Variants in DGKG observed in about 807,000 individuals in gnomAD.
DGKG encodes DAG kinase gamma.
In DGKG, 78 loss-of-function variants were observed where a neutral mutation model predicts 105.3. The ratio of observed to expected loss-of-function variants is 0.74; its 90% CI spans 0.62 to 0.89. The LOEUF is 0.89. DGKG is among the 40% of genes least tolerant of loss of function. The pLI, the probability that DGKG is intolerant of heterozygous loss-of-function variation, is 0.00. For synonymous variants in DGKG, 346 were observed against 367.1 expected, an observed-to-expected ratio of 0.94 and a Z score of 0.66; for missense variants, 958 against 1,020.1, an observed-to-expected ratio of 0.94 and a Z score of 0.83.
intron 21 of DGKG, among the ~76,000 whole-genome samples, chr3:186,191,044 C>T (rs1717882236): frequency 6.6e-6 from 1 of 152,122 alleles, no homozygotes; most frequent in Non-Finnish European, 1.5e-5. Flanking sequence ...CATGCCTCAT[C>T]TTTCATAAAT....
intron 19 of DGKG, among the ~76,000 whole-genome samples, chr3:186,248,780 A>G (rs1434704701): frequency 6.6e-6 from 1 of 152,130 alleles, no homozygotes; most frequent in Non-Finnish European, 1.5e-5. Flanking sequence ...CTAGAGTTCA[A>G]ATATTATGAT....
intron 21 of DGKG, among the ~76,000 whole-genome samples, chr3:186,208,426 CAA>C (rs10693104): frequency 5.2e-5 from 5 of 95,262 alleles, no homozygotes; most frequent in East Asian, 3.6e-4. Context: ...ACCAGATTGG[CAA>C]AAAAAAAAAA....
intron 7 of DGKG, among the ~76,000 whole-genome samples, chr3:186,282,206 T>C (rs886817733): frequency 6.6e-5 from 10 of 151,948 alleles, no homozygotes; most frequent in Non-Finnish European, 1.0e-4. Flanking sequence ...CCCTGTTGGA[T>C]TGGGGGAGAA....
Position 186,355,155 on chromosome 3 carries a change from TCACCACCATCACCCCCACAACTATCAC to T in DGKG, c.-249+6764_-249+6790del, listed in dbSNP as rs368049876. Among the ~76,000 whole-genome samples the T allele has an allele frequency of 7.8e-3, 256 of 32,660 alleles. 2 individuals are homozygous for T. The highest frequency in any genetic ancestry group is 0.024 in the African/African-American group (242 of 10,036). The allele number at this position is 32,660 out of a possible 152,430, so 21.4% of individuals were successfully genotyped here. A position where few individuals can be genotyped will look rare whatever the true frequency, so the allele number is the denominator to read the frequency against. ...CTGCCCCCAACCACCATTATCATTA[TCACCACCATCACCCCCACAACTATCAC>T]CACCACCATCAATACCACCACCAAC... On this transcript the variant is annotated intron_variant, in intron 1 of 24. Transcript: ENST00000265022.
chr3:186,179,137 T>C (rs553369716), intron 22 of DGKG, among the ~76,000 whole-genome samples: 2 of 152,348 alleles, frequency 1.3e-5, no homozygotes, highest in East Asian at 3.9e-4. Flanking sequence ...TCCTGGTTCA[T>C]GGACCACACG....
At chr3:186,287,035 A>AAAACAAAT (rs1553813490) in intron 6 of DGKG, among the ~76,000 whole-genome samples, 1 of 142,476 alleles carries the variant, frequency 7.0e-6, no homozygotes, top group African/African-American at 2.6e-5. Context: ...ACTCCATCTC[A>AAAACAAAT]AAATAAATAA....
chr3:186,215,988 A>AC (rs1719270245), intron 20 of DGKG, among the ~76,000 whole-genome samples: 1 of 150,404 alleles, frequency 6.6e-6, no homozygotes, highest in Non-Finnish European at 1.5e-5. Context: ...CCCCTGCCCC[A>AC]CCCCCCAAAC....
intron 24 of DGKG, chr3:186,158,571 G>A (rs909655360): frequency 3.8e-5 from 36 of 939,576 alleles, no homozygotes; most frequent in Non-Finnish European, 4.6e-5. Context: ...TTTTTGCCTT[G>A]TAAACTAGTT....
chr3:186,174,974 G>A (rs1263579967), intron 22 of DGKG, among the ~76,000 whole-genome samples: 1 of 152,210 alleles, frequency 6.6e-6, no homozygotes, highest in Non-Finnish European at 1.5e-5. Context: ...GGAAGGAGAA[G>A]CAGGGAGAAC....
intron 6 of DGKG, among the ~76,000 whole-genome samples, chr3:186,285,921 C>T (rs187558141): frequency 3.9e-4 from 59 of 152,248 alleles, no homozygotes; most frequent in African/African-American, 1.4e-3. Context: ...TCAGATGATC[C>T]GCCTGCCTCG....
At chr3:186,174,652 CTGTGTGTGTGTGTGTGTG>C (rs67342971) in intron 22 of DGKG, among the ~76,000 whole-genome samples, 4,501 of 145,886 alleles carry the variant, frequency 0.031, 174 homozygotes, top group African/African-American at 0.089. Context: ...TTCCCTGCGG[CTGTGTGTGTGTGTGTGTG>C]TGTGTGTGTG....
At chr3:186,257,690 T>G in intron 17 of DGKG, 164 bp downstream of exon 17, 1 of 577,800 alleles carries the variant, frequency 1.7e-6, no homozygotes, top group Non-Finnish European at 3.1e-6. Context: ...TCTTTTTTTT[T>G]TTTTTTTCCA....
chr3:186,156,866 G>T (rs894163806), intron 24 of DGKG, among the ~76,000 whole-genome samples: 7 of 151,802 alleles, frequency 4.6e-5, no homozygotes, highest in African/African-American at 1.7e-4. Context: ...GGGTTTTATT[G>T]AAGTAATTTA....
chr3:186,312,320 C>T (rs1724594337), intron 2 of DGKG, among the ~76,000 whole-genome samples: 1 of 152,062 alleles, frequency 6.6e-6, no homozygotes, highest in Non-Finnish European at 1.5e-5. Context: ...GCTTCTCAAA[C>T]TGTAATGTGC....
intron 22 of DGKG, among the ~76,000 whole-genome samples, chr3:186,179,246 C>T (rs1033272399): frequency 5.3e-5 from 8 of 152,308 alleles, no homozygotes; most frequent in South Asian, 2.1e-4. Flanking sequence ...CAGCCGTGCC[C>T]GTTCATTTAA....
chr3:186,343,217 CT>C (rs1726169308), intron 1 of DGKG, among the ~76,000 whole-genome samples: 1 of 152,160 alleles, frequency 6.6e-6, no homozygotes, highest in Non-Finnish European at 1.5e-5. Context: ...TTTCGTTGAT[CT>C]TTGAAGAATT....
chr3:186,305,930 C>T (rs1724215549), intron 3 of DGKG, among the ~76,000 whole-genome samples: 1 of 152,064 alleles, frequency 6.6e-6, no homozygotes, highest in South Asian at 2.1e-4. Flanking sequence ...ATCAGTTTAG[C>T]TCATGTTAAG....
At chr3:186,190,357 AACT>A (rs1345004048) in intron 21 of DGKG, among the ~76,000 whole-genome samples, 8 of 152,274 alleles carry the variant, frequency 5.3e-5, no homozygotes, top group African/African-American at 1.9e-4. Flanking sequence ...CAACATTGAA[AACT>A]ACATCAACGA....
At chr3:186,353,656 G>GTCTATATCTATCTATA (rs1726756661) in intron 1 of DGKG, among the ~76,000 whole-genome samples, 1 of 116,134 alleles carries the variant, frequency 8.6e-6, no homozygotes. Context: ...CTATGTCTAT[G>GTCTATATCTATCTATA]TCTATATCTA....
Sources: gnomAD v4.1 joint callset for allele counts (sites outside exome capture counted in the v4.1 genomes callset) on GRCh38, gnomAD v4.1.1 for gene constraint, MANE v1.5 for transcripts, NCBI Gene and HGNC (gene_info 2026-07-23, HGNC 2026-07-21) for gene names.